Variants in BCKDHB observed in about 807,000 individuals in gnomAD.
BCKDHB encodes the protein 2-oxoisovalerate dehydrogenase subunit beta, mitochondrial.
In BCKDHB, 41 loss-of-function variants were observed where a neutral mutation model predicts 48.5. That is an observed-to-expected ratio of 0.85 (90% CI 0.66 to 1.10). The LOEUF (loss-of-function observed/expected upper bound fraction) is 1.10, where lower values mean the gene tolerates loss of function less well. Ranked by LOEUF, BCKDHB falls within the 50% of genes least tolerant of loss-of-function variation. The pLI, the probability that BCKDHB is intolerant of heterozygous loss-of-function variation, is 0.00. For synonymous variants in BCKDHB, 201 were observed against 174.8 expected (o/e 1.15, Z -1.18); for missense variants, 496 against 494.2 (o/e 1.00, Z -0.03).
the BCKDHB span, among the ~76,000 whole-genome samples, chr6:80,433,711 G>GA: frequency 0.039 from 5,728 of 147,756 alleles, 354 homozygotes; most frequent in African/African-American, 0.13. Context: ...CTGGTGTATG[G>GA]AAAAAAAAAA....
rs146235482 is a variant in BCKDHB, at chr6:80,155,414, T to C, written c.344-12264T>C. On this transcript the variant is annotated intron_variant, in intron 3 of 9. Coordinates refer to ENST00000320393, the MANE Select transcript of BCKDHB (RefSeq NM_183050.4). ...CAATGTAGGAAATAAATTTCTCTAG[T>C]AGAAAGAAAGGGAAGCAATTGTTGA... 1.7e-3 allele frequency among the ~76,000 whole-genome samples: 265 copies of C among 152,262 alleles called. 1 individual carries two copies. Among genetic ancestry groups the C allele is most frequent in the African/African-American group, 6.0e-3 (251 of 41,570 alleles).
At chr6:80,210,656 C>A (rs1774882288) in intron 8 of BCKDHB, among the ~76,000 whole-genome samples, 1 of 152,046 alleles carries the variant, frequency 6.6e-6, no homozygotes, top group Non-Finnish European at 1.5e-5. Context: ...TGTAGTGAGC[C>A]CTTTTATGGA....
intron 8 of BCKDHB, among the ~76,000 whole-genome samples, chr6:80,227,772 C>T (rs750763008): frequency 5.3e-5 from 8 of 152,118 alleles, no homozygotes; most frequent in Non-Finnish European, 1.0e-4. Flanking sequence ...GGGCTAACAT[C>T]TTATGTGAGG....
rs143051221 is a variant in BCKDHB, at chr6:80,188,017, C to A, written c.743-12917C>A. Among the ~76,000 whole-genome samples the A allele has an allele frequency of 1.7e-3, 264 of 152,248 alleles. 1 individual carries two copies. The highest frequency in any genetic ancestry group is 6.0e-3 in the African/African-American group (250 of 41,540). ...AATATGAGTCATTCTACCATAAAGA[C>A]ACATGCACGTTTATGTTCACTGCAG... On this transcript the variant is annotated intron_variant, in intron 6 of 9. Transcript: ENST00000320393.
At chr6:80,411,814 A>T in the BCKDHB span, among the ~76,000 whole-genome samples, 2 of 152,232 alleles carry the variant, frequency 1.3e-5, no homozygotes, top group African/African-American at 2.4e-5. Context: ...TGCTAAGACC[A>T]TTGAAAAGCG....
chr6:80,185,866 G>A (rs190175582), intron 6 of BCKDHB, among the ~76,000 whole-genome samples: 99 of 152,324 alleles, frequency 6.5e-4, no homozygotes, highest in African/African-American at 2.3e-3. Context: ...CTTGGTTGTC[G>A]TTTTGTTTAG....
At chr6:80,115,340 G>T (rs1476797350) in intron 1 of BCKDHB, among the ~76,000 whole-genome samples, 1 of 152,062 alleles carries the variant, frequency 6.6e-6, no homozygotes, top group Non-Finnish European at 1.5e-5. Context: ...AAAATGTTCT[G>T]TCCCTGACAT....
chr6:80,242,896 T>C (rs1290162399), intron 8 of BCKDHB, among the ~76,000 whole-genome samples: 1 of 152,056 alleles, frequency 6.6e-6, no homozygotes, highest in South Asian at 2.1e-4. Flanking sequence ...CCAAATCTGT[T>C]TGGGTTAAAG....
chr6:80,436,147 CTTTTTTTTTT>C, the BCKDHB span, among the ~76,000 whole-genome samples: 5 of 70,340 alleles, frequency 7.1e-5, no homozygotes, highest in Non-Finnish European at 1.3e-4. Context: ...AAATTCTTTT[CTTTTTTTTTT>C]TTTTTTTTTT....
At chr6:80,231,875 G>T (rs1775939675) in intron 8 of BCKDHB, among the ~76,000 whole-genome samples, 1 of 152,154 alleles carries the variant, frequency 6.6e-6, no homozygotes, top group South Asian at 2.1e-4. Context: ...TGAGGCAGGA[G>T]AATTGCTTGA....
chr6:80,462,134 T>C, the BCKDHB span, among the ~76,000 whole-genome samples: 2 of 152,138 alleles, frequency 1.3e-5, no homozygotes, highest in Non-Finnish European at 2.9e-5. Flanking sequence ...ATTAAACACA[T>C]ATTGTCTCTT....
chr6:80,227,352 GTCCAGTTGAT>G (rs1372560619), intron 8 of BCKDHB, among the ~76,000 whole-genome samples: 1 of 152,136 alleles, frequency 6.6e-6, no homozygotes, highest in African/African-American at 2.4e-5. Context: ...CCTTTAGGGA[GTCCAGTTGAT>G]TCATGTGGAC....
the BCKDHB span, among the ~76,000 whole-genome samples, chr6:80,377,471 A>G: frequency 2.0e-5 from 3 of 152,124 alleles, no homozygotes; most frequent in South Asian, 2.1e-4. Context: ...AGAGTTTTAC[A>G]GTTTTAGCTC....
intron 9 of BCKDHB, among the ~76,000 whole-genome samples, chr6:80,294,246 A>G (rs979874551): frequency 2.6e-5 from 4 of 152,178 alleles, no homozygotes; most frequent in African/African-American, 9.7e-5. Context: ...TACTTTTATA[A>G]TTTCTTATGC....
chr6:80,210,915 T>C (rs975417181), intron 8 of BCKDHB, among the ~76,000 whole-genome samples: 20 of 152,242 alleles, frequency 1.3e-4, no homozygotes, highest in African/African-American at 4.8e-4. Context: ...AGTTAAAAAG[T>C]GAGCTGCCGT....
At chr6:80,110,211 A>G (rs1360799054) in intron 1 of BCKDHB, among the ~76,000 whole-genome samples, 2 of 152,014 alleles carry the variant, frequency 1.3e-5, no homozygotes, top group South Asian at 2.1e-4. Flanking sequence ...CATGCCCCTG[A>G]TTCTTGGGCA....
chr6:80,274,979 CATA>C (rs1327187376), intron 9 of BCKDHB, among the ~76,000 whole-genome samples: 4 of 151,924 alleles, frequency 2.6e-5, no homozygotes, highest in African/African-American at 9.7e-5. Flanking sequence ...ATATCATAAA[CATA>C]ATATCAAAAT....
intron 6 of BCKDHB, among the ~76,000 whole-genome samples, chr6:80,180,074 A>G (rs1239070206): frequency 2.6e-5 from 4 of 152,214 alleles, no homozygotes; most frequent in Admixed American, 1.3e-4. Context: ...ACTCTCCCAC[A>G]TGTCCAGCCT....
chr6:80,437,808 T>C, the BCKDHB span, among the ~76,000 whole-genome samples: 1 of 152,330 alleles, frequency 6.6e-6, no homozygotes, highest in South Asian at 2.1e-4. Context: ...TTCTTAATGT[T>C]ATGCTATATT....
Sources: allele counts gnomAD v4.1 joint callset (sites outside exome capture counted in the v4.1 genomes callset), GRCh38; gene constraint gnomAD v4.1.1; transcripts MANE v1.5; gene names NCBI Gene and HGNC (gene_info 2026-07-23, HGNC 2026-07-21).